The following POPDC1 variants were observed in gnomAD, a reference collection of about 807,000 sequenced individuals.
POPDC1 encodes popeye domain-containing protein 1.
the POPDC1 span, chr6:105,129,430 G>C: frequency 6.2e-7 from 1 of 1,612,550 alleles, no homozygotes; most frequent in Non-Finnish European, 8.5e-7. Flanking sequence ...TGACACCCAA[G>C]AACACAGAGT....
At chr6:105,120,643 G>A in the POPDC1 span, among the ~76,000 whole-genome samples, 1 of 152,140 alleles carries the variant, frequency 6.6e-6, no homozygotes, top group Non-Finnish European at 1.5e-5. Flanking sequence ...CAGGTTTGCC[G>A]TGATTACCAC....
chr6:105,113,985 CA>C, the POPDC1 span, among the ~76,000 whole-genome samples: 4 of 149,546 alleles, frequency 2.7e-5, no homozygotes, highest in African/African-American at 4.9e-5. Flanking sequence ...CAAAAACAAA[CA>C]AAAAAAAACA....
At chr6:105,133,653 G>T in the POPDC1 span, 1 of 1,111,402 alleles carries the variant, frequency 9.0e-7, no homozygotes, top group Non-Finnish European at 1.3e-6. Context: ...TACCTTCATA[G>T]GTATTATACC....
chr6:105,134,923 C>CG, the POPDC1 span, among the ~76,000 whole-genome samples: 7 of 151,960 alleles, frequency 4.6e-5, no homozygotes, highest in South Asian at 4.2e-4. Context: ...ATCAGGATGG[C>CG]GGGGGGGAAG....
At chr6:105,105,758 T>C in the POPDC1 span, among the ~76,000 whole-genome samples, 2 of 152,150 alleles carry the variant, frequency 1.3e-5, no homozygotes, top group South Asian at 2.1e-4. Context: ...TACGTACTGA[T>C]AGATATCAGA....
the POPDC1 span, among the ~76,000 whole-genome samples, chr6:105,102,024 G>T: frequency 6.6e-6 from 1 of 152,142 alleles, no homozygotes; most frequent in Non-Finnish European, 1.5e-5. Context: ...AGCAGCTAAC[G>T]TGACTGCATA....
chr6:105,122,915 C>T, the POPDC1 span, among the ~76,000 whole-genome samples: 3 of 152,162 alleles, frequency 2.0e-5, no homozygotes, highest in African/African-American at 7.2e-5. Flanking sequence ...AATCTATATG[C>T]AACCTTTTAG....
At chr6:105,106,792 T>TA in the POPDC1 span, among the ~76,000 whole-genome samples, 135,572 of 151,730 alleles carry the variant, frequency 0.89, 61,082 homozygotes, top group Non-Finnish European at 0.95. Context: ...CAGAAGGCCT[T>TA]AAAAACCTTT....
At chr6:105,128,342 G>A in the POPDC1 span, among the ~76,000 whole-genome samples, 6 of 152,154 alleles carry the variant, frequency 3.9e-5, no homozygotes, top group African/African-American at 1.4e-4. Flanking sequence ...GAGACATTGG[G>A]TGTTTCTCTT....
At chr6:105,129,381 G>A in the POPDC1 span, 1 of 1,603,326 alleles carries the variant, frequency 6.2e-7, no homozygotes, top group Non-Finnish European at 8.5e-7. Context: ...ATAATTACCG[G>A]TCTCTTCTTG....
the POPDC1 span, among the ~76,000 whole-genome samples, chr6:105,102,489 GTCA>G: frequency 6.6e-6 from 1 of 152,204 alleles, no homozygotes; most frequent in Non-Finnish European, 1.5e-5. Flanking sequence ...TGAACGAGTG[GTCA>G]TTCCTGGCCC....
chr6:105,128,211 G>C, the POPDC1 span, among the ~76,000 whole-genome samples: 122 of 152,328 alleles, frequency 8.0e-4, no homozygotes, highest in African/African-American at 2.8e-3. Context: ...CTCTGTAAGA[G>C]GACTGTACAT....
chr6:105,104,742 GAATATCAATAGGCTT>G, the POPDC1 span, among the ~76,000 whole-genome samples: 1 of 152,154 alleles, frequency 6.6e-6, no homozygotes, highest in East Asian at 1.9e-4. Context: ...TCTCTCAAAG[GAATATCAATAGGCTT>G]AATAGCACCA....
chr6:105,124,879 C>A, the POPDC1 span, among the ~76,000 whole-genome samples: 1 of 152,134 alleles, frequency 6.6e-6, no homozygotes, highest in Non-Finnish European at 1.5e-5. Context: ...GGTATGCTGT[C>A]TAGTGGTTAC....
chr6:105,136,376 G>T, the POPDC1 span: 1 of 152,248 alleles, frequency 6.6e-6, no homozygotes, highest in African/African-American at 2.4e-5. Context: ...GCTCCTTAAA[G>T]GAGGAGGGTC....
chr6:105,128,812 T>C, the POPDC1 span, among the ~76,000 whole-genome samples: 1 of 152,192 alleles, frequency 6.6e-6, no homozygotes, highest in Non-Finnish European at 1.5e-5. Flanking sequence ...ATGGGGTGAT[T>C]TCTAGGACCC....
At chr6:105,124,154 A>AG in the POPDC1 span, among the ~76,000 whole-genome samples, 1 of 152,058 alleles carries the variant, frequency 6.6e-6, no homozygotes, top group South Asian at 2.1e-4. Flanking sequence ...AGGCCGAGGC[A>AG]GGCAGATCAT....
the POPDC1 span, among the ~76,000 whole-genome samples, chr6:105,111,833 G>A: frequency 1.5e-3 from 227 of 152,270 alleles, no homozygotes; most frequent in African/African-American, 4.8e-3. Context: ...TTTTCTGTCC[G>A]TATTTCTGTT....
chr6:105,114,954 A>G, the POPDC1 span, among the ~76,000 whole-genome samples: 3 of 152,268 alleles, frequency 2.0e-5, no homozygotes, highest in Non-Finnish European at 4.4e-5. Flanking sequence ...TCTACCATTT[A>G]GTAAAACATT....
Sources: allele counts gnomAD v4.1 joint callset (sites outside exome capture counted in the v4.1 genomes callset), GRCh38; gene constraint gnomAD v4.1.1; transcripts MANE v1.5; gene names NCBI Gene and HGNC (gene_info 2026-07-23, HGNC 2026-07-21).